ESRP1: variants seen among roughly 807,000 people sequenced by gnomAD.
ESRP1 encodes RNA-binding motif protein 35A.
Under a neutral mutation model 81.7 loss-of-function variants are expected in ESRP1, and 33 were observed. The observed-to-expected ratio is 0.40, with a 90% confidence interval of 0.31 to 0.54. The LOEUF is 0.54. Ranked by LOEUF, ESRP1 falls within the 20% of genes least tolerant of loss-of-function variation. The pLI is 0.41. For missense variants in ESRP1, 672 were observed against 833.1 expected, an observed-to-expected ratio of 0.81 and a Z score of 2.38; for synonymous variants, 320 against 303.3, an observed-to-expected ratio of 1.06 and a Z score of -0.57.
intron 4 of ESRP1, among the ~76,000 whole-genome samples, chr8:94,656,780 A>C (rs1357460284): frequency 6.6e-6 from 1 of 152,236 alleles, no homozygotes; most frequent in Non-Finnish European, 1.5e-5. Flanking sequence ...TTCAGATGAC[A>C]CTTCAAATTG....
chr8:94,672,014 CATT>C (rs1484653369), intron 11 of ESRP1, among the ~76,000 whole-genome samples: 2 of 152,118 alleles, frequency 1.3e-5, no homozygotes. Flanking sequence ...ATATCCATCA[CATT>C]ATCAATAGCG....
chr8:94,690,116 C>T (rs979037427), intron 13 of ESRP1, among the ~76,000 whole-genome samples: 1 of 126,658 alleles, frequency 7.9e-6, no homozygotes, highest in Admixed American at 8.2e-5. Context: ...CCGTGCCCGG[C>T]CTAATTTTTT....
intron 3 of ESRP1, among the ~76,000 whole-genome samples, chr8:94,644,949 C>G (rs141820380): frequency 6.6e-6 from 1 of 152,170 alleles, no homozygotes; most frequent in Non-Finnish European, 1.5e-5. Context: ...AGCATTCATA[C>G]GGCGTAAGCC....
chr8:94,652,247 CAA>C (rs908665138), intron 4 of ESRP1, among the ~76,000 whole-genome samples: 1 of 152,094 alleles, frequency 6.6e-6, no homozygotes, highest in African/African-American at 2.4e-5. Flanking sequence ...CTCGGCTTCT[CAA>C]AGTGCTGGGA....
chr8:94,643,269 C>T (rs1248397313), intron 2 of ESRP1, 34 bp from the exon 3 acceptor site: 1 of 1,386,604 alleles, frequency 7.2e-7, no homozygotes, highest in Non-Finnish European at 1.0e-6. Flanking sequence ...AATCGTGCAT[C>T]AGTTGCATCC....
intron 1 of ESRP1, chr8:94,641,651 C>T (rs1295367115): frequency 5.1e-6 from 4 of 789,814 alleles, no homozygotes; most frequent in South Asian, 1.9e-5. Flanking sequence ...TCCTCCGCAA[C>T]TTAGCTCAGG....
rs1322720568 is a variant in ESRP1, at chr8:94,662,387, T to C, written c.589+17T>C. ...AGCCTTATAGTAAGTATTGCTTTTA[T>C]AGTAGTGCAGTCCCAGAATTCATAC... is the stretch of plus-strand genomic sequence containing the variant. On this transcript the variant is annotated intron_variant, in intron 5 of 15. Coordinates refer to ENST00000433389, the MANE Select transcript of ESRP1 (RefSeq NM_017697.4). 1 of 1,546,236 alleles carries C rather than the reference T, an allele frequency of 6.5e-7. No individual in the cohort carries two copies. The highest frequency in any genetic ancestry group is 8.8e-7 in the Non-Finnish European group (1 of 1,136,594).
At chr8:94,704,204 G>T (rs1809964343) in intron 15 of ESRP1, among the ~76,000 whole-genome samples, 1 of 124,298 alleles carries the variant, frequency 8.0e-6, no homozygotes. Flanking sequence ...TAGCAGTTAG[G>T]AGTCTTCAGT....
intron 13 of ESRP1, 111 bp downstream of exon 13, chr8:94,678,482 C>T: frequency 1.6e-6 from 2 of 1,253,842 alleles, no homozygotes; most frequent in African/African-American, 1.5e-5. Flanking sequence ...GTTAGCGTGG[C>T]AGGCCACAGC....
intron 13 of ESRP1, among the ~76,000 whole-genome samples, chr8:94,691,646 G>A (rs1586251746): frequency 6.6e-6 from 1 of 152,206 alleles, no homozygotes; most frequent in East Asian, 1.9e-4. Context: ...TTCCTATTAA[G>A]CTATCTGTTA....
At chr8:94,683,491 C>T (rs972764164) in intron 13 of ESRP1, among the ~76,000 whole-genome samples, 3 of 152,108 alleles carry the variant, frequency 2.0e-5, no homozygotes, top group Admixed American at 6.6e-5. Context: ...TTGTACACTT[C>T]GCCTAGTTTA....
intron 14 of ESRP1, among the ~76,000 whole-genome samples, chr8:94,695,348 CT>C (rs1177357708): frequency 0.031 from 1,868 of 61,138 alleles, 13 homozygotes; most frequent in African/African-American, 0.1. Flanking sequence ...CTTTTTCTTT[CT>C]TTTTTTTTTT....
chr8:94,673,689 G>A (rs1426042773), intron 11 of ESRP1, among the ~76,000 whole-genome samples: 1 of 152,168 alleles, frequency 6.6e-6, no homozygotes, highest in Non-Finnish European at 1.5e-5. Flanking sequence ...GAGCTGTAAG[G>A]AGTGAGAGAA....
In ESRP1 at chr8:94,676,450, G is replaced by A. The variant is rs376670656; in HGVS notation, c.1652-1753G>A. ...AAATTTCTACCTTTGTTTTGAAGCT[G>A]AACAGACTTACACCTACTATGTGTG... On this transcript the variant is annotated intron_variant, in intron 12 of 15. Transcript: ENST00000433389. Among the ~76,000 whole-genome samples, 16 of 151,620 alleles carry A rather than the reference G, an allele frequency of 1.1e-4. No homozygotes were observed. In the South Asian group the frequency reaches 3.1e-3, roughly 30 times the overall value.
intron 13 of ESRP1, among the ~76,000 whole-genome samples, chr8:94,688,861 T>C (rs1809254333): frequency 6.6e-6 from 1 of 152,172 alleles, no homozygotes; most frequent in East Asian, 1.9e-4. Context: ...ACATTTTAGG[T>C]TCAGTTTTGT....
At chr8:94,643,234 G>T in intron 2 of ESRP1, 69 bp from the exon 3 acceptor site, 1 of 1,083,740 alleles carries the variant, frequency 9.2e-7, no homozygotes. Context: ...CTATCACCAA[G>T]GGGAGCTACT....
chr8:94,692,002 T>A (rs914723793), intron 13 of ESRP1, among the ~76,000 whole-genome samples: 1 of 152,128 alleles, frequency 6.6e-6, no homozygotes, highest in East Asian at 1.9e-4. Context: ...AGTTGGGTGT[T>A]TACTTGGCTG....
intron 4 of ESRP1, among the ~76,000 whole-genome samples, chr8:94,657,966 A>G (rs999969285): frequency 1.3e-5 from 2 of 152,114 alleles, no homozygotes; most frequent in Non-Finnish European, 2.9e-5. Flanking sequence ...GCTGGAGTGC[A>G]GCGGCCATGA....
rs538016522 is a variant in ESRP1 at position 94,683,568 on chromosome 8, G to A, written c.1820+5197G>A. ...GCTTGTTGTTGCAAGTGTTCTCATA[G>A]GACCAAGAAAAAAGAATTCTTGATT... On this transcript the variant is annotated intron_variant, in intron 13 of 15. Coordinates refer to ENST00000433389, the MANE Select transcript of ESRP1 (RefSeq NM_017697.4). Among the ~76,000 whole-genome samples the A allele has an allele frequency of 3.5e-4, 54 of 152,146 alleles. 2 individuals are homozygous for A. In the South Asian group the frequency reaches 8.3e-3, roughly 23 times the overall value.
Sources: allele counts gnomAD v4.1 joint callset (sites outside exome capture counted in the v4.1 genomes callset), GRCh38; gene constraint gnomAD v4.1.1; transcripts MANE v1.5; gene names NCBI Gene and HGNC (gene_info 2026-07-23, HGNC 2026-07-21).